ATAD2B: variants seen among roughly 807,000 people sequenced by gnomAD.
ATAD2B encodes the protein ATPase family AAA domain-containing protein 2B.
Under a neutral mutation model 167.6 loss-of-function variants are expected in ATAD2B, and 40 were observed. The ratio of observed to expected loss-of-function variants is 0.24; its 90% CI spans 0.19 to 0.31. ATAD2B has a LOEUF of 0.31. ATAD2B is among the 10% of genes least tolerant of loss of function. The pLI is 1.00. For missense variants in ATAD2B, 1,242 were observed against 1,757.2 expected (o/e 0.71, Z 5.24); for synonymous variants, 579 against 596.5 (o/e 0.97, Z 0.43).
At chr2:23,800,364 T>C (rs777225507) in intron 18 of ATAD2B, among the ~76,000 whole-genome samples, 63 of 152,330 alleles carry the variant, frequency 4.1e-4, no homozygotes, top group Admixed American at 7.8e-4. Flanking sequence ...AAATTTTGCC[T>C]TTCATTCTAG....
chr2:23,697,321 C>T, the ATAD2B span: 1 of 152,228 alleles, frequency 6.6e-6, no homozygotes, highest in East Asian at 1.9e-4. Context: ...GGGGGAAAAG[C>T]TCAGGAAGCT....
At chr2:23,924,917 T>G (rs1704492236) in intron 1 of ATAD2B, among the ~76,000 whole-genome samples, 1 of 152,150 alleles carries the variant, frequency 6.6e-6, no homozygotes, top group South Asian at 2.1e-4. Flanking sequence ...ATGATATCCA[T>G]GAATTCAAAA....
At chr2:23,907,442 C>T (rs1040513661) in intron 1 of ATAD2B, among the ~76,000 whole-genome samples, 3 of 151,982 alleles carry the variant, frequency 2.0e-5, no homozygotes, top group African/African-American at 7.3e-5. Context: ...AGGAGAACTA[C>T]AAACCACTGC....
the ATAD2B span, among the ~76,000 whole-genome samples, chr2:23,728,926 G>A: frequency 1.3e-5 from 2 of 152,182 alleles, no homozygotes; most frequent in Non-Finnish European, 2.9e-5. Flanking sequence ...TCATGGTTTT[G>A]CAAGCATGGC....
chr2:23,819,664 A>G (rs953105133), intron 17 of ATAD2B, 83 bp downstream of exon 17: 231 of 1,121,918 alleles, frequency 2.1e-4, no homozygotes, highest in Non-Finnish European at 2.5e-4. Context: ...AGTTATAACC[A>G]TAAGTAAAAA....
At chr2:23,688,696 A>G in the ATAD2B span, 1 of 151,668 alleles carries the variant, frequency 6.6e-6, no homozygotes, top group East Asian at 2.0e-4. Context: ...CCCTCACTCT[A>G]TACCCCACCC....
chr2:23,686,238 G>A, the ATAD2B span, among the ~76,000 whole-genome samples: 2 of 152,096 alleles, frequency 1.3e-5, no homozygotes, highest in Non-Finnish European at 2.9e-5. Flanking sequence ...TCTGAGGTGG[G>A]TAACTTCAAG....
At chr2:23,907,839 T>A (rs1427238475) in intron 1 of ATAD2B, among the ~76,000 whole-genome samples, 1 of 152,068 alleles carries the variant, frequency 6.6e-6, no homozygotes, top group Non-Finnish European at 1.5e-5. Flanking sequence ...ACGCCGCATA[T>A]CTACAATTAT....
At chr2:23,875,434 G>A (rs1696682951) in intron 8 of ATAD2B, among the ~76,000 whole-genome samples, 1 of 151,990 alleles carries the variant, frequency 6.6e-6, no homozygotes, top group African/African-American at 2.4e-5. Flanking sequence ...CAGGAGAAAA[G>A]GTTGCAGTGA....
At chr2:23,699,025 C>A in the ATAD2B span, among the ~76,000 whole-genome samples, 3 of 152,230 alleles carry the variant, frequency 2.0e-5, no homozygotes, top group Admixed American at 2.0e-4. Flanking sequence ...TCCAAAAAGA[C>A]ACTTACTCCA....
At chr2:23,900,484 CA>C in intron 1 of ATAD2B, among the ~76,000 whole-genome samples, 1 of 152,164 alleles carries the variant, frequency 6.6e-6, no homozygotes, top group East Asian at 1.9e-4. Context: ...TTCTTTACTC[CA>C]ATTCTGGTCT....
chr2:23,906,757 A>G (rs569564228), intron 1 of ATAD2B, among the ~76,000 whole-genome samples: 5 of 152,034 alleles, frequency 3.3e-5, no homozygotes, highest in Admixed American at 2.6e-4. Flanking sequence ...CACATCAAAA[A>G]GCTTATCCAC....
chr2:23,909,070 A>G (rs1701884381), intron 1 of ATAD2B, among the ~76,000 whole-genome samples: 1 of 151,472 alleles, frequency 6.6e-6, no homozygotes, highest in Non-Finnish European at 1.5e-5. Context: ...AGCATGGCAC[A>G]TGTATACATA....
At chr2:23,854,846 A>G (rs1014916799) in intron 13 of ATAD2B, among the ~76,000 whole-genome samples, 3 of 152,206 alleles carry the variant, frequency 2.0e-5, no homozygotes, top group East Asian at 1.9e-4. Context: ...TGACTCTTCA[A>G]AAGTCCTAAC....
the ATAD2B span, chr2:23,703,996 C>T: frequency 1.9e-6 from 2 of 1,062,328 alleles, no homozygotes; most frequent in Non-Finnish European, 2.6e-6. Flanking sequence ...CCCCCTCCAA[C>T]CACAGGAGTG....
intron 7 of ATAD2B, among the ~76,000 whole-genome samples, chr2:23,877,773 T>A (rs570636419): frequency 2.5e-4 from 37 of 147,816 alleles, no homozygotes; most frequent in African/African-American, 9.0e-4. Context: ...GGCAGGAGAA[T>A]CACTTGAACC....
At chr2:23,711,272 G>A in the ATAD2B span, among the ~76,000 whole-genome samples, 1 of 142,188 alleles carries the variant, frequency 7.0e-6, no homozygotes, top group Non-Finnish European at 1.5e-5. Flanking sequence ...ATTTTTATAA[G>A]ATATAAATAT....
At position 23,903,309 on chromosome 2, in the gene ATAD2B, C is replaced by G. The variant is rs866432708; in HGVS notation, c.217-7339G>C. Among the ~76,000 whole-genome samples the G allele has an allele frequency of 8.5e-4, 128 of 151,430 alleles. 2 individuals are homozygous for G. The highest frequency in any genetic ancestry group is 4.2e-4 in the South Asian group (2 of 4,792). On this transcript the variant is annotated intron_variant, in intron 1 of 27. Transcript: ENST00000238789. ...TTCTATAGAAGTGGGAATATGTATTCTAACAACTTAATAATGGGGCACATA... is the reference window on the plus strand; with the variant it reads ...TTCTATAGAAGTGGGAATATGTATTGTAACAACTTAATAATGGGGCACATA...
chr2:23,747,161 C>T (rs1328890334), downstream of ATAD2B, among the ~76,000 whole-genome samples: 1 of 151,974 alleles, frequency 6.6e-6, no homozygotes, highest in East Asian at 1.9e-4. Flanking sequence ...ATAGGGAATA[C>T]AGAAGAAATA....
Sources: allele counts gnomAD v4.1 joint callset (sites outside exome capture counted in the v4.1 genomes callset), GRCh38; gene constraint gnomAD v4.1.1; transcripts MANE v1.5; gene names NCBI Gene and HGNC (gene_info 2026-07-23, HGNC 2026-07-21).